HIPK2: variants seen among roughly 807,000 people sequenced by gnomAD.
HIPK2 encodes the protein homeodomain interacting protein kinase 2.
Under a neutral mutation model 113.7 loss-of-function variants are expected in HIPK2, and 27 were observed. The ratio of observed to expected loss-of-function variants is 0.24; its 90% CI spans 0.17 to 0.33. The LOEUF (loss-of-function observed/expected upper bound fraction) is 0.33, where lower values mean the gene tolerates loss of function less well. HIPK2 is among the 10% of genes least tolerant of loss of function. The probability of loss-of-function intolerance (pLI) is 1.00; values close to 1 mark genes in which losing one functional copy is unlikely to be tolerated. For synonymous variants in HIPK2, 631 were observed against 642.2 expected (o/e 0.98, Z 0.26); for missense variants, 1,257 against 1,588.0 (o/e 0.79, Z 3.54).
At position 139,573,092 on chromosome 7, in the gene HIPK2, GA is replaced by G; in HGVS notation, c.3431del (p.Val1144AlafsTer3). 1 of 1,612,008 alleles carries G rather than the reference GA, an allele frequency of 6.2e-7. No homozygotes were observed. The highest frequency in any genetic ancestry group is 8.5e-7 in the Non-Finnish European group (1 of 1,179,140). ...TAYPASIVHQ[V>X]PVSMGPRVLP... ...GGACCCGGGGGCCCATGCTCACGGG[GA>G]CCTGGTGGACGATGCTGGCTGGGTA... On this transcript the variant is annotated frameshift_variant, in exon 15 of 15. Transcript: ENST00000406875. LOFTEE classifies it high-confidence loss of function.
rs1345695098 is a variant in HIPK2 at position 139,777,816 on chromosome 7, G to A, written c.-193C>T. 3.5e-5 allele frequency: 9 copies of A among 253,692 alleles called. No homozygotes were observed. The highest frequency in any genetic ancestry group is 5.4e-5 in the Non-Finnish European group (9 of 165,544). The allele number at this position is 253,692 out of a possible 1,614,324, so 15.7% of individuals were successfully genotyped here. A position where few individuals can be genotyped will look rare whatever the true frequency, so the allele number is the denominator to read the frequency against. ...GGAGGGGGCCGGGCGCGCCGCCGCC[G>A]CCGCCGCCGCCGCTGCCGCCCGGGC... On this transcript the variant is annotated 5_prime_UTR_variant, in exon 1 of 15. Coordinates refer to ENST00000406875, the MANE Select transcript of HIPK2 (RefSeq NM_022740.5).
chr7:139,680,822 C>T (rs755669415), intron 2 of HIPK2, among the ~76,000 whole-genome samples: 10 of 152,276 alleles, frequency 6.6e-5, no homozygotes, highest in East Asian at 5.8e-4. Context: ...ACAATCTGAG[C>T]GGGCTTCCTG....
intron 1 of HIPK2, among the ~76,000 whole-genome samples, chr7:139,754,600 T>C (rs1405091737): frequency 6.6e-6 from 1 of 152,168 alleles, no homozygotes; most frequent in Non-Finnish European, 1.5e-5. Flanking sequence ...ACTAAACCTC[T>C]TACAAAAGTC....
chr7:139,745,927 A>T (rs1796182975), intron 1 of HIPK2, among the ~76,000 whole-genome samples: 1 of 152,226 alleles, frequency 6.6e-6, no homozygotes, highest in Non-Finnish European at 1.5e-5. Context: ...AACACAGAAA[A>T]GGAGAAAAAG....
Position 139,672,753 on chromosome 7 carries a change from C to T in HIPK2, c.1104-41028G>A, listed in dbSNP as rs1334946370. ...GGGATTACAGGCATGAGCCACCGCG[C>T]CTGGCCACAAGTAACATTTTTATTC... On this transcript the variant is annotated intron_variant, in intron 2 of 14. Coordinates refer to ENST00000406875, the MANE Select transcript of HIPK2 (RefSeq NM_022740.5). Among the ~76,000 whole-genome samples, 5 of 152,190 alleles carry T rather than the reference C, an allele frequency of 3.3e-5. No homozygotes were observed. The South Asian group carries it at 1.0e-3, about 32-fold the overall frequency.
chr7:139,601,768 A>T (rs539447687), intron 10 of HIPK2, among the ~76,000 whole-genome samples: 1 of 152,340 alleles, frequency 6.6e-6, no homozygotes, highest in African/African-American at 2.4e-5. Flanking sequence ...CTCATTTAAC[A>T]CATAATAAAA....
chr7:139,618,310 A>C (rs1800124980), intron 7 of HIPK2, among the ~76,000 whole-genome samples: 1 of 151,794 alleles, frequency 6.6e-6, no homozygotes, highest in African/African-American at 2.4e-5. Context: ...CTTAGTGCTT[A>C]AGGCTAGGTG....
At chr7:139,697,863 ATTTTTTTTTTT>A (rs1206821973) in intron 2 of HIPK2, among the ~76,000 whole-genome samples, 1 of 135,316 alleles carries the variant, frequency 7.4e-6, no homozygotes, top group African/African-American at 3.2e-5. Context: ...TCTTAATGGA[ATTTTTTTTTTT>A]TTTTTTTTTT....
chr7:139,697,106 C>G lies in HIPK2; in HGVS notation c.1103+18826G>C, dbSNP rs923046778. ...CAAAATACTCCCCCTTTCGCCTCCTCCCCGACCCCCTGCCAGGGATCAGTC... is the reference window on the plus strand; with the variant it reads ...CAAAATACTCCCCCTTTCGCCTCCTGCCCGACCCCCTGCCAGGGATCAGTC... On this transcript the variant is annotated intron_variant, in intron 2 of 14. Transcript: ENST00000406875. 1.5e-3 allele frequency among the ~76,000 whole-genome samples: 224 copies of G among 152,312 alleles called. 2 individuals are homozygous for G. The highest frequency in any genetic ancestry group is 5.2e-3 in the African/African-American group (218 of 41,570).
chr7:139,701,335 G>A (rs1308189396), intron 2 of HIPK2, among the ~76,000 whole-genome samples: 2 of 152,214 alleles, frequency 1.3e-5, no homozygotes, highest in East Asian at 1.9e-4. Flanking sequence ...GCCACGGTGA[G>A]AAATAGTAAT....
At chr7:139,653,740 GT>G (rs935880669) in intron 2 of HIPK2, among the ~76,000 whole-genome samples, 9 of 147,872 alleles carry the variant, frequency 6.1e-5, no homozygotes, top group South Asian at 2.2e-4. Flanking sequence ...GACTGTTGTT[GT>G]TTTTTTTTTG....
Position 139,571,893 on chromosome 7 carries a change from T to A in HIPK2, c.*1034A>T, listed in dbSNP as rs1798293577. On this transcript the variant is annotated 3_prime_UTR_variant, in exon 15 of 15. Coordinates refer to ENST00000406875, the MANE Select transcript of HIPK2 (RefSeq NM_022740.5). ...GCGGCGCGTGCACACCCACACGTGC[T>A]CGCTCACCCGCACACCTGCACCGCC... The A allele has an allele frequency of 1.3e-5, 2 of 152,232 alleles. No homozygotes were observed. The highest frequency in any genetic ancestry group is 2.9e-5 in the Non-Finnish European group (2 of 68,042). The allele number at this position is 152,232 out of a possible 1,614,324, so 9.4% of individuals were successfully genotyped here.
intron 2 of HIPK2, among the ~76,000 whole-genome samples, chr7:139,715,102 C>T (rs911932324): frequency 7.2e-5 from 11 of 152,200 alleles, no homozygotes; most frequent in Non-Finnish European, 1.5e-5. Context: ...TACAGGGGTC[C>T]CTGAAAAGCT....
At chr7:139,727,720 G>C (rs1189946517) in intron 1 of HIPK2, among the ~76,000 whole-genome samples, 1 of 152,132 alleles carries the variant, frequency 6.6e-6, no homozygotes, top group East Asian at 1.9e-4. Flanking sequence ...CCTGCAGTGG[G>C]TGAGTACAGA....
intron 12 of HIPK2, among the ~76,000 whole-genome samples, chr7:139,588,095 A>G (rs1798897443): frequency 6.6e-6 from 1 of 152,026 alleles, no homozygotes. Context: ...AGGTGGGCGG[A>G]TCACTTGAGG....
rs1236242889 is a variant in HIPK2 at position 139,777,637 on chromosome 7, T to C, written c.-14A>G. 8 of 1,085,354 alleles carry C rather than the reference T, an allele frequency of 7.4e-6. No individual in the cohort carries two copies. In the East Asian group the frequency reaches 4.1e-4, roughly 55 times the overall value. The allele number at this position is 1,085,354 out of a possible 1,614,324, so 67.2% of individuals were successfully genotyped here. ...CACGGGGGCCATCGGGGCCGGGGTGTCCGCGGTTCATGGCAACGGGGACGG... is the reference window on the plus strand; with the variant it reads ...CACGGGGGCCATCGGGGCCGGGGTGCCCGCGGTTCATGGCAACGGGGACGG... On this transcript the variant is annotated 5_prime_UTR_variant, in exon 1 of 15. Coordinates refer to ENST00000406875, the MANE Select transcript of HIPK2 (RefSeq NM_022740.5).
In HIPK2 at chr7:139,777,943, A is replaced by T. The variant is rs1269479911; in HGVS notation, c.-320T>A. Among the ~76,000 whole-genome samples, 2 of 126,754 alleles carry T rather than the reference A, an allele frequency of 1.6e-5. No homozygotes were observed. The highest frequency in any genetic ancestry group is 2.5e-4 in the East Asian group (1 of 3,936). 83.2% of individuals were successfully genotyped at this position (126,754 alleles called of 152,430 possible). ...CCGCGGCCCCCGAGCGGATCCGCGG[A>T]GGGGCGGGAGCCGGGGGCAGCGCGC... On this transcript the variant is annotated 5_prime_UTR_variant, in exon 1 of 15. Coordinates refer to ENST00000406875, the MANE Select transcript of HIPK2 (RefSeq NM_022740.5).
At position 139,630,799 on chromosome 7, in the gene HIPK2, G is replaced by T. The variant is rs1211422266; in HGVS notation, c.1347+366C>A. Reference sequence around the variant, plus strand: ...GGCACCCACACCCATTCTTGACCAGGAACAGGGCCCTTACTACAGTGGGCG... The same window carrying T: ...GGCACCCACACCCATTCTTGACCAGTAACAGGGCCCTTACTACAGTGGGCG... On this transcript the variant is annotated intron_variant, in intron 4 of 14. Transcript: ENST00000406875. This position sits in a 1 kb window ranked among gnomAD's most constrained non-coding sequence, Gnocchi z 4.0. 6.6e-6 allele frequency among the ~76,000 whole-genome samples: 1 copy of T among 152,190 alleles called. No homozygotes were observed. The highest frequency in any genetic ancestry group is 1.5e-5 in the Non-Finnish European group (1 of 68,040).
At chr7:139,684,848 G>A (rs748024443) in intron 2 of HIPK2, among the ~76,000 whole-genome samples, 7 of 152,194 alleles carry the variant, frequency 4.6e-5, no homozygotes, top group Non-Finnish European at 1.0e-4. Flanking sequence ...TGATAAGAAA[G>A]TAAAATGGCC....
Sources: allele counts gnomAD v4.1 joint callset (sites outside exome capture counted in the v4.1 genomes callset), GRCh38; gene constraint gnomAD v4.1.1; non-coding constraint Gnocchi (gnomAD v3.1); transcripts MANE v1.5; gene names NCBI Gene and HGNC (gene_info 2026-07-23, HGNC 2026-07-21).